ACAP2: variants seen among roughly 807,000 people sequenced by gnomAD.
ACAP2 encodes arf-GAP with coiled-coil, ANK repeat and PH domain-containing protein 2.
Under a neutral mutation model 115.8 loss-of-function variants are expected in ACAP2, and 39 were observed. The observed-to-expected ratio is 0.34, with a 90% CI of 0.26 to 0.44. The LOEUF is 0.44. ACAP2 is among the 20% of genes least tolerant of loss of function. The pLI is 1.00. For missense variants in ACAP2, 662 were observed against 927.6 expected (o/e 0.71, Z 3.72); for synonymous variants, 289 against 315.8 (o/e 0.92, Z 0.90).
rs1202147747 is a variant in ACAP2, at chr3:195,442,880, G to A, written c.-33C>T. ...CCGCCTCGCAGGCGGCGCTGGCAAA[G>A]CCGAGGGGGCCGCGGGAGCGGCCGC... On this transcript the variant is annotated 5_prime_UTR_variant, in exon 1 of 23. Coordinates refer to ENST00000326793, the MANE Select transcript of ACAP2 (RefSeq NM_012287.6). 6.7e-7 allele frequency: 1 copy of A among 1,502,488 alleles called. No individual in the cohort carries two copies. The highest frequency in any genetic ancestry group is 8.9e-7 in the Non-Finnish European group (1 of 1,126,624). 93.1% of individuals were successfully genotyped at this position (1,502,488 alleles called of 1,614,324 possible).
At chr3:195,334,082 C>T (rs1194119153) in intron 7 of ACAP2, among the ~76,000 whole-genome samples, 4 of 152,024 alleles carry the variant, frequency 2.6e-5, no homozygotes, top group African/African-American at 4.8e-5. Context: ...GAAGGAATTA[C>T]ATAATTAAAT....
intron 9 of ACAP2, among the ~76,000 whole-genome samples, chr3:195,324,583 A>G (rs2108610069): frequency 1.3e-5 from 2 of 151,982 alleles, no homozygotes; most frequent in South Asian, 4.2e-4. Flanking sequence ...ACAAAACCCC[A>G]TCTCTACTAA....
intron 4 of ACAP2, among the ~76,000 whole-genome samples, chr3:195,364,497 G>A (rs1010184392): frequency 2.0e-5 from 3 of 151,996 alleles, no homozygotes; most frequent in Non-Finnish European, 2.9e-5. Flanking sequence ...CTTCAACACC[G>A]GAGATGGAGG....
chr3:195,336,137 CAG>C, intron 7 of ACAP2: 1 of 151,666 alleles, frequency 6.6e-6, no homozygotes, highest in East Asian at 1.9e-4. Context: ...CTCCTGACCT[CAG>C]GTGATCCACC....
At chr3:195,307,700 A>T (rs1050175547) in intron 11 of ACAP2, among the ~76,000 whole-genome samples, 1 of 152,214 alleles carries the variant, frequency 6.6e-6, no homozygotes, top group African/African-American at 2.4e-5. Flanking sequence ...GCTTTTATTC[A>T]GTCAAGTTTT....
intron 10 of ACAP2, among the ~76,000 whole-genome samples, chr3:195,311,783 C>T (rs887101576): frequency 7.9e-5 from 12 of 152,162 alleles, no homozygotes; most frequent in Admixed American, 1.3e-4. Flanking sequence ...GTGATCCACC[C>T]GCCTCAGCCT....
intron 1 of ACAP2, among the ~76,000 whole-genome samples, chr3:195,409,879 C>CAAAAAAAAAAAA (rs59779977): frequency 7.0e-5 from 4 of 56,992 alleles, no homozygotes; most frequent in Non-Finnish European, 1.1e-4. Context: ...GACTCCATCT[C>CAAAAAAAAAAAA]AAAAAAAAAA....
chr3:195,359,682 T>C (rs1732221302), intron 4 of ACAP2, among the ~76,000 whole-genome samples: 1 of 152,310 alleles, frequency 6.6e-6, no homozygotes, highest in South Asian at 2.1e-4. Flanking sequence ...TTAGCCAGGA[T>C]GGTCTCGATC....
At chr3:195,319,865 G>A (rs1729334661) in intron 10 of ACAP2, among the ~76,000 whole-genome samples, 1 of 152,184 alleles carries the variant, frequency 6.6e-6, no homozygotes, top group African/African-American at 2.4e-5. Context: ...AAGGACATGA[G>A]ATTTGAGAAA....
intron 13 of ACAP2, among the ~76,000 whole-genome samples, chr3:195,304,235 A>G (rs1728274472): frequency 6.6e-6 from 1 of 152,040 alleles, no homozygotes; most frequent in African/African-American, 2.4e-5. Context: ...ATTTTAAGAA[A>G]GAAATATTTG....
intron 1 of ACAP2, among the ~76,000 whole-genome samples, chr3:195,414,377 G>A (rs181437059): frequency 6.6e-6 from 1 of 152,238 alleles, no homozygotes; most frequent in East Asian, 1.9e-4. Context: ...CCAAAGTGCT[G>A]GGATTATAGG....
intron 8 of ACAP2, among the ~76,000 whole-genome samples, chr3:195,327,658 G>A (rs769110280): frequency 5.3e-5 from 8 of 152,102 alleles, no homozygotes; most frequent in African/African-American, 7.2e-5. Context: ...CTGGCCGGGC[G>A]CAGTGGCTCA....
chr3:195,323,411 T>A (rs1729576515), intron 9 of ACAP2, among the ~76,000 whole-genome samples: 3 of 152,070 alleles, frequency 2.0e-5, no homozygotes, highest in African/African-American at 7.2e-5. Flanking sequence ...AACAGAACAG[T>A]GGTAAAATAA....
At chr3:195,427,002 A>G (rs1334629164) in intron 1 of ACAP2, among the ~76,000 whole-genome samples, 1 of 149,868 alleles carries the variant, frequency 6.7e-6, no homozygotes, top group Non-Finnish European at 1.5e-5. Context: ...GTTACACGGC[A>G]AAGGGAAATT....
At chr3:195,350,484 G>T (rs1395847463) in intron 4 of ACAP2, among the ~76,000 whole-genome samples, 1 of 151,376 alleles carries the variant, frequency 6.6e-6, no homozygotes, top group Non-Finnish European at 1.5e-5. Context: ...CCCCAATCTC[G>T]ACAAAAATTC....
At chr3:195,405,762 G>C (rs1437570349) in intron 1 of ACAP2, among the ~76,000 whole-genome samples, 2 of 152,082 alleles carry the variant, frequency 1.3e-5, no homozygotes, top group Admixed American at 1.3e-4. Flanking sequence ...TCTGCAGGCT[G>C]TATAGGAAGC....
intron 1 of ACAP2, among the ~76,000 whole-genome samples, chr3:195,401,544 G>T (rs1269124683): frequency 2.0e-5 from 3 of 152,128 alleles, no homozygotes; most frequent in Non-Finnish European, 4.4e-5. Flanking sequence ...GTGCACGCCT[G>T]CAATCCCAGC....
chr3:195,303,278 G>A (rs1400152402), intron 13 of ACAP2, among the ~76,000 whole-genome samples: 1 of 152,026 alleles, frequency 6.6e-6, no homozygotes, highest in Non-Finnish European at 1.5e-5. Flanking sequence ...GCATGGTGAT[G>A]CACACCTGTG....
intron 7 of ACAP2, among the ~76,000 whole-genome samples, chr3:195,334,505 T>C (rs1440070781): frequency 6.6e-6 from 1 of 152,072 alleles, no homozygotes; most frequent in Non-Finnish European, 1.5e-5. Flanking sequence ...AGACTTAAGA[T>C]GTAAGAGATG....
Sources: allele counts gnomAD v4.1 joint callset (sites outside exome capture counted in the v4.1 genomes callset), GRCh38; gene constraint gnomAD v4.1.1; transcripts MANE v1.5; gene names NCBI Gene and HGNC (gene_info 2026-07-23, HGNC 2026-07-21).